PHTF2: variants seen among roughly 807,000 people sequenced by gnomAD.
PHTF2 encodes putative homeodomain transcription factor 2.
A neutral mutation model predicts 101.2 loss-of-function variants in PHTF2; 60 were observed. That is an observed-to-expected ratio of 0.59 (90% CI 0.48 to 0.73). The LOEUF (loss-of-function observed/expected upper bound fraction) is 0.73, where lower values mean the gene tolerates loss of function less well. Ranked by LOEUF, PHTF2 falls within the 30% of genes least tolerant of loss-of-function variation. The pLI, the probability that PHTF2 is intolerant of heterozygous loss-of-function variation, is 0.00. For missense variants in PHTF2, 747 were observed against 908.7 expected (o/e 0.82, Z 2.29); for synonymous variants, 311 against 307.3 (o/e 1.01, Z -0.13).
intron 1 of PHTF2, among the ~76,000 whole-genome samples, chr7:77,836,822 G>C (rs1398725416): frequency 6.6e-6 from 1 of 152,014 alleles, no homozygotes; most frequent in Non-Finnish European, 1.5e-5. Flanking sequence ...CGGTCGGGGT[G>C]GGGGGCTTGG....
At chr7:77,866,299 T>A (rs1042390029) in intron 3 of PHTF2, among the ~76,000 whole-genome samples, 1 of 152,148 alleles carries the variant, frequency 6.6e-6, no homozygotes, top group Non-Finnish European at 1.5e-5. Flanking sequence ...GATTTTGTAG[T>A]CAAATCAGTT....
intron 2 of PHTF2, among the ~76,000 whole-genome samples, chr7:77,844,356 T>C (rs1315974541): frequency 5.3e-5 from 8 of 152,210 alleles, no homozygotes. Flanking sequence ...ATTTATGATT[T>C]GAATACTGAA....
chr7:77,826,749 A>T (rs1049903066), intron 1 of PHTF2, among the ~76,000 whole-genome samples: 3 of 152,214 alleles, frequency 2.0e-5, no homozygotes, highest in Non-Finnish European at 4.4e-5. Context: ...GGATGATGGA[A>T]TAATGGGTGT....
chr7:77,876,825 T>C (rs914239544), intron 3 of PHTF2, among the ~76,000 whole-genome samples: 1 of 152,216 alleles, frequency 6.6e-6, no homozygotes, highest in African/African-American at 2.4e-5. Context: ...AGGATCACTG[T>C]GATTGCACCA....
At chr7:77,908,901 A>C in exon 8 of PHTF2, 1 of 1,613,330 alleles carries the variant, frequency 6.2e-7, no homozygotes, top group Non-Finnish European at 8.5e-7. Flanking sequence ...GTGCATTGCC[A>C]GATTGTTTCC....
chr7:77,850,980 A>G (rs1796715627), intron 2 of PHTF2, among the ~76,000 whole-genome samples: 1 of 152,136 alleles, frequency 6.6e-6, no homozygotes, highest in Admixed American at 6.5e-5. Flanking sequence ...CTTGGTCATG[A>G]TGAATGATCT....
At chr7:77,882,860 C>T (rs1175521789) in intron 3 of PHTF2, among the ~76,000 whole-genome samples, 1 of 152,124 alleles carries the variant, frequency 6.6e-6, no homozygotes, top group Admixed American at 6.5e-5. Flanking sequence ...AATGATTCAT[C>T]TTCCTCATTT....
chr7:77,802,288 A>AT (rs1313275809), intron 1 of PHTF2, among the ~76,000 whole-genome samples: 1 of 152,218 alleles, frequency 6.6e-6, no homozygotes, highest in African/African-American at 2.4e-5. Context: ...ATAATTGGAA[A>AT]TTGCATACTT....
chr7:77,846,991 G>A (rs73375809), intron 2 of PHTF2, among the ~76,000 whole-genome samples: 2 of 152,016 alleles, frequency 1.3e-5, no homozygotes, highest in East Asian at 3.9e-4. Flanking sequence ...AATAGGCTGA[G>A]GATGTCAGAA....
At chr7:77,810,949 G>A (rs150306009) in intron 1 of PHTF2, among the ~76,000 whole-genome samples, 25 of 152,100 alleles carry the variant, frequency 1.6e-4, no homozygotes, top group African/African-American at 6.0e-4. Flanking sequence ...TGTGGCCCAG[G>A]CTGGAATGCA....
intron 3 of PHTF2, among the ~76,000 whole-genome samples, chr7:77,890,676 G>A (rs1800316284): frequency 6.8e-6 from 1 of 146,316 alleles, no homozygotes; most frequent in South Asian, 2.2e-4. Context: ...CGCAATCTCG[G>A]CTCACCGCAA....
chr7:77,853,843 C>A (rs565488300), intron 2 of PHTF2, among the ~76,000 whole-genome samples: 2 of 152,030 alleles, frequency 1.3e-5, no homozygotes, highest in East Asian at 1.9e-4. Context: ...TTCCTTCTCT[C>A]TTTTATCTTG....
chr7:77,832,796 T>C (rs1433577596), intron 1 of PHTF2, among the ~76,000 whole-genome samples: 1 of 152,030 alleles, frequency 6.6e-6, no homozygotes, highest in Admixed American at 6.6e-5. Context: ...GTTGTATAAT[T>C]ATTTCATTAT....
At chr7:77,810,937 C>T (rs898583424) in intron 1 of PHTF2, among the ~76,000 whole-genome samples, 2 of 150,948 alleles carry the variant, frequency 1.3e-5, no homozygotes, top group Non-Finnish European at 3.0e-5. Flanking sequence ...GAGTTTTGCT[C>T]CTGTGGCCCA....
chr7:77,865,957 G>A (rs1055149166), intron 3 of PHTF2, among the ~76,000 whole-genome samples: 6 of 152,022 alleles, frequency 3.9e-5, no homozygotes, highest in Non-Finnish European at 8.8e-5. Context: ...GCGAAGGCGG[G>A]CAGATCTCTT....
Position 77,868,576 on chromosome 7 carries a change from C to A in PHTF2, c.147+13742C>A, listed in dbSNP as rs369579235. 3.7e-4 allele frequency among the ~76,000 whole-genome samples: 57 copies of A among 152,110 alleles called. No homozygotes were observed. The South Asian group carries it at 0.011, about 30-fold the overall frequency. On this transcript the variant is annotated intron_variant, in intron 3 of 19. Transcript: ENST00000416283. ...TTCAGTAAGTCAAAGAATGGATATA[C>A]CTGAAATGGGTAGCACATTTACTTA... is the stretch of plus-strand genomic sequence containing the variant.
chr7:77,827,947 A>G (rs545925119), intron 1 of PHTF2, among the ~76,000 whole-genome samples: 12 of 152,314 alleles, frequency 7.9e-5, no homozygotes, highest in Admixed American at 5.2e-4. Context: ...CCCAGCCTCA[A>G]TAGTATTTTT....
intron 1 of PHTF2, among the ~76,000 whole-genome samples, chr7:77,806,045 C>T (rs981739247): frequency 7.2e-5 from 11 of 152,066 alleles, no homozygotes; most frequent in African/African-American, 2.2e-4. Context: ...CATGGTGGTG[C>T]GTGCCTGTAG....
intron 2 of PHTF2, among the ~76,000 whole-genome samples, chr7:77,847,303 T>A (rs571044217): frequency 1.3e-4 from 20 of 152,338 alleles, no homozygotes; most frequent in African/African-American, 4.6e-4. Context: ...ACAAATGCGC[T>A]TATTACATTT....
Sources: allele counts gnomAD v4.1 joint callset (sites outside exome capture counted in the v4.1 genomes callset), GRCh38; gene constraint gnomAD v4.1.1; transcripts MANE v1.5; gene names NCBI Gene and HGNC (gene_info 2026-07-23, HGNC 2026-07-21).